The following KLF12 variants were observed in gnomAD, a reference collection of about 807,000 sequenced individuals.
KLF12 encodes KLF transcription factor 12.
Under a neutral mutation model 37.8 loss-of-function variants are expected in KLF12, and 9 were observed. The ratio of observed to expected loss-of-function variants is 0.24; its 90% confidence interval spans 0.14 to 0.42. KLF12 has a LOEUF of 0.42. Among genes scored for constraint, KLF12 ranks in the 10% least tolerant of loss-of-function variants. The pLI is 1.00. For missense variants in KLF12, 411 were observed against 516.0 expected, an observed-to-expected ratio of 0.80 and a Z score of 1.97; for synonymous variants, 208 against 202.1, an observed-to-expected ratio of 1.03 and a Z score of -0.25.
chr13:74,282,851 C>A, the KLF12 span, among the ~76,000 whole-genome samples: 3 of 152,124 alleles, frequency 2.0e-5, no homozygotes, highest in African/African-American at 7.2e-5. Flanking sequence ...ACGTGAGTCT[C>A]AGTTTCCCCC....
intron 2 of KLF12, among the ~76,000 whole-genome samples, chr13:73,975,689 G>T (rs1261999860): frequency 6.6e-6 from 1 of 152,042 alleles, no homozygotes; most frequent in East Asian, 1.9e-4. Context: ...CCTTCAACAG[G>T]TATATTTCTC....
At chr13:74,090,031 T>C (rs1369992125) in intron 1 of KLF12, among the ~76,000 whole-genome samples, 1 of 152,072 alleles carries the variant, frequency 6.6e-6, no homozygotes, top group Non-Finnish European at 1.5e-5. Context: ...TGATCTTGTA[T>C]ATAGAAAATT....
intron 1 of KLF12, among the ~76,000 whole-genome samples, chr13:74,016,736 G>C (rs371415931): frequency 7.2e-5 from 11 of 152,128 alleles, no homozygotes; most frequent in East Asian, 3.9e-4. Flanking sequence ...CTACTAAAAT[G>C]AAAATATACT....
At chr13:73,853,859 T>C (rs1041214953) in intron 3 of KLF12, among the ~76,000 whole-genome samples, 1 of 152,122 alleles carries the variant, frequency 6.6e-6, no homozygotes, top group African/African-American at 2.4e-5. Context: ...ATAGAAGATA[T>C]TTTCTTTTAC....
chr13:73,843,606 C>CTAT (rs1884861512), intron 4 of KLF12, among the ~76,000 whole-genome samples: 1 of 152,124 alleles, frequency 6.6e-6, no homozygotes, highest in Admixed American at 6.5e-5. Flanking sequence ...CACACCTGGC[C>CTAT]TATACATTAT....
chr13:73,814,589 T>C (rs2138447342), intron 4 of KLF12, among the ~76,000 whole-genome samples: 1 of 152,332 alleles, frequency 6.6e-6, no homozygotes, highest in South Asian at 2.1e-4. Flanking sequence ...TGACTTTAAA[T>C]ATAAATATAC....
chr13:73,891,788 T>C (rs1887519717), intron 3 of KLF12, among the ~76,000 whole-genome samples: 1 of 152,140 alleles, frequency 6.6e-6, no homozygotes, highest in South Asian at 2.1e-4. Context: ...AGTTTTCCTA[T>C]AACTTTTATT....
chr13:74,294,231 A>G, the KLF12 span, among the ~76,000 whole-genome samples: 1 of 152,142 alleles, frequency 6.6e-6, no homozygotes, highest in Non-Finnish European at 1.5e-5. Flanking sequence ...ATTTTGTTAC[A>G]TGCACCGATT....
chr13:74,243,553 T>C, the KLF12 span, among the ~76,000 whole-genome samples: 1 of 152,196 alleles, frequency 6.6e-6, no homozygotes, highest in Admixed American at 6.5e-5. Flanking sequence ...ATGGTTGAGC[T>C]AATTTACACT....
chr13:73,710,959 C>T (rs1875355753), intron 7 of KLF12, among the ~76,000 whole-genome samples: 1 of 152,176 alleles, frequency 6.6e-6, no homozygotes. Flanking sequence ...AAATGTTATT[C>T]CAGTTAACAC....
chr13:73,735,225 G>T (rs1026876513), intron 6 of KLF12, among the ~76,000 whole-genome samples: 24 of 151,950 alleles, frequency 1.6e-4, no homozygotes, highest in African/African-American at 5.1e-4. Context: ...TGAGCCCAGG[G>T]AGTTTGAGGC....
intron 2 of KLF12, among the ~76,000 whole-genome samples, chr13:73,958,663 G>A (rs533977485): frequency 6.6e-6 from 1 of 152,144 alleles, no homozygotes; most frequent in Admixed American, 6.5e-5. Flanking sequence ...CTTGGACAAA[G>A]CTGTTCTACA....
At chr13:73,978,181 A>C (rs898514458) in intron 2 of KLF12, among the ~76,000 whole-genome samples, 1 of 152,210 alleles carries the variant, frequency 6.6e-6, no homozygotes, top group Non-Finnish European at 1.5e-5. Flanking sequence ...GAGAATGAAA[A>C]GATAAGTAAC....
intron 1 of KLF12, among the ~76,000 whole-genome samples, chr13:74,013,527 C>A (rs1892602633): frequency 6.6e-6 from 1 of 152,154 alleles, no homozygotes; most frequent in South Asian, 2.1e-4. Context: ...CCTATAGTAA[C>A]AACAACAACA....
chr13:74,067,329 A>G (rs1480338187), intron 1 of KLF12, among the ~76,000 whole-genome samples: 1 of 152,230 alleles, frequency 6.6e-6, no homozygotes, highest in African/African-American at 2.4e-5. Context: ...ATACTAAGTT[A>G]TCTTTGGAAA....
At chr13:74,257,686 T>C in the KLF12 span, 1 of 152,194 alleles carries the variant, frequency 6.6e-6, no homozygotes, top group Non-Finnish European at 1.5e-5. Context: ...AATTCAGTTA[T>C]ATAATTATAA....
chr13:73,996,592 A>G (rs1418292002), intron 1 of KLF12, among the ~76,000 whole-genome samples: 2 of 152,256 alleles, frequency 1.3e-5, no homozygotes, highest in African/African-American at 4.8e-5. Flanking sequence ...CTGAGGGAAT[A>G]TATCATTATT....
chr13:74,266,348 G>A, the KLF12 span, among the ~76,000 whole-genome samples: 10 of 152,076 alleles, frequency 6.6e-5, no homozygotes, highest in African/African-American at 4.8e-5. Flanking sequence ...TAAATACCTG[G>A]CATTATGATC....
At chr13:74,232,933 T>G in the KLF12 span, among the ~76,000 whole-genome samples, 1 of 152,178 alleles carries the variant, frequency 6.6e-6, no homozygotes, top group East Asian at 1.9e-4. Flanking sequence ...TCGCCCAGGC[T>G]GGAGTGCAGT....
Sources: allele counts gnomAD v4.1 joint callset (sites outside exome capture counted in the v4.1 genomes callset), GRCh38; gene constraint gnomAD v4.1.1; transcripts MANE v1.5; gene names NCBI Gene and HGNC (gene_info 2026-07-23, HGNC 2026-07-21).